TMEM71: variants seen among roughly 807,000 people sequenced by gnomAD.
The protein encoded by TMEM71 is transmembrane protein 71.
In TMEM71, 44 loss-of-function variants were observed where a neutral mutation model predicts 38.0. That is an observed-to-expected ratio of 1.16 (90% CI 0.91 to 1.49). The LOEUF (loss-of-function observed/expected upper bound fraction) is 1.49. TMEM71 is among the 40% of genes most tolerant of loss of function. The pLI is 0.00. For synonymous variants in TMEM71, 133 were observed against 122.5 expected, an observed-to-expected ratio of 1.09 and a Z score of -0.56; for missense variants, 367 against 348.6, an observed-to-expected ratio of 1.05 and a Z score of -0.42.
chr8:132,736,830 C>CAA (rs34959336), intron 5 of TMEM71, among the ~76,000 whole-genome samples: 37 of 147,670 alleles, frequency 2.5e-4, no homozygotes, highest in African/African-American at 8.0e-4. Flanking sequence ...GACTCTGTCT[C>CAA]AAAAAAAAAA....
intron 7 of TMEM71, among the ~76,000 whole-genome samples, chr8:132,715,409 CAA>C (rs975995287): frequency 1.4e-3 from 30 of 21,564 alleles, no homozygotes; most frequent in Admixed American, 6.6e-3. Flanking sequence ...GACTCCGTCT[CAA>C]AAAAAAAAAA....
intron 5 of TMEM71, among the ~76,000 whole-genome samples, chr8:132,732,043 A>G (rs1827487674): frequency 6.6e-6 from 1 of 152,162 alleles, no homozygotes; most frequent in South Asian, 2.1e-4. Flanking sequence ...TATTCATTCA[A>G]TGCAGTTATT....
chr8:132,762,646 T>C (rs1420909282), upstream of TMEM71, among the ~76,000 whole-genome samples: 1 of 152,204 alleles, frequency 6.6e-6, no homozygotes, highest in African/African-American at 2.4e-5. Flanking sequence ...GCTGTATTAT[T>C]ATTCTCATTT....
At chr8:132,734,856 T>G (rs1367132991) in intron 5 of TMEM71, among the ~76,000 whole-genome samples, 1 of 152,240 alleles carries the variant, frequency 6.6e-6, no homozygotes, top group Non-Finnish European at 1.5e-5. Flanking sequence ...CTAAATTTGA[T>G]GTACTTTACC....
chr8:132,772,461 A>G, the TMEM71 span, among the ~76,000 whole-genome samples: 1 of 152,178 alleles, frequency 6.6e-6, no homozygotes, highest in Non-Finnish European at 1.5e-5. Flanking sequence ...GCTTCACTAC[A>G]TGGCCAGGGA....
chr8:132,717,471 C>G (rs1244093229), intron 7 of TMEM71, among the ~76,000 whole-genome samples: 1 of 152,148 alleles, frequency 6.6e-6, no homozygotes, highest in African/African-American at 2.4e-5. Context: ...AAACAAACAT[C>G]CAATAAGTGC....
At chr8:132,768,199 G>A in the TMEM71 span, among the ~76,000 whole-genome samples, 9 of 152,180 alleles carry the variant, frequency 5.9e-5, no homozygotes, top group African/African-American at 2.2e-4. Flanking sequence ...GATTTTGGAT[G>A]CTTTGTCCTG....
chr8:132,755,203 C>T (rs1828936549), intron 3 of TMEM71, among the ~76,000 whole-genome samples: 1 of 152,120 alleles, frequency 6.6e-6, no homozygotes, highest in African/African-American at 2.4e-5. Flanking sequence ...CTCCCTAATC[C>T]CCTGGCATCT....
Position 132,715,006 on chromosome 8 carries a change from G to A in TMEM71, c.753-791C>T, listed in dbSNP as rs187509762. Among the ~76,000 whole-genome samples, 27 of 152,210 alleles carry A rather than the reference G, an allele frequency of 1.8e-4. 1 individual carries two copies. Among genetic ancestry groups the A allele is most frequent in the East Asian group, 5.8e-4 (3 of 5,186 alleles). Reference sequence around the variant, plus strand: ...TTACAGTAATGCAAATTAAAACAGCGAGATATCACTGCATACCTAGTAGAA... The same window carrying A: ...TTACAGTAATGCAAATTAAAACAGCAAGATATCACTGCATACCTAGTAGAA... On this transcript the variant is annotated intron_variant, in intron 7 of 9. Coordinates refer to ENST00000677595, the MANE Select transcript of TMEM71 (RefSeq NM_001382403.1).
At chr8:132,722,609 G>A (rs1297167335) in intron 6 of TMEM71, among the ~76,000 whole-genome samples, 2 of 152,140 alleles carry the variant, frequency 1.3e-5, no homozygotes, top group Non-Finnish European at 2.9e-5. Flanking sequence ...TGATGAACTT[G>A]TCCAAGGTCA....
In TMEM71 at chr8:132,754,476, C is replaced by T. The variant is rs148390076; in HGVS notation, c.102-2479G>A. Among the ~76,000 whole-genome samples the T allele has an allele frequency of 9.4e-3, 1,427 of 152,268 alleles. 82 individuals are homozygous for T. Among genetic ancestry groups the T allele is most frequent in the Admixed American group, 0.084 (1,281 of 15,282 alleles). On this transcript the variant is annotated intron_variant, in intron 3 of 9. Transcript: ENST00000677595. ...GTTTCAATCCTGGCTCTACCTCTTG[C>T]TAATTATTCTCTCCAAGGTTTAGTT... is the stretch of plus-strand genomic sequence containing the variant.
chr8:132,752,610 T>C (rs1247703852), intron 3 of TMEM71, among the ~76,000 whole-genome samples: 1 of 152,102 alleles, frequency 6.6e-6, no homozygotes, highest in Admixed American at 6.6e-5. Context: ...GGCATGTGCC[T>C]ATAGTCCCAG....
chr8:132,715,409 CAAAAAA>C (rs975995287), intron 7 of TMEM71, among the ~76,000 whole-genome samples: 26 of 21,566 alleles, frequency 1.2e-3, no homozygotes, highest in African/African-American at 2.5e-3. Flanking sequence ...GACTCCGTCT[CAAAAAA>C]AAAAAAAAAA....
chr8:132,759,701 C>T lies in TMEM71; in HGVS notation c.-37+775G>A, dbSNP rs373465630. ...GAGTAAATTATTTTCTGATTCACCA[C>T]TTATGGCCACATTTTGTAACATGAG... On this transcript the variant is annotated intron_variant, in intron 1 of 9. Coordinates refer to ENST00000677595, the MANE Select transcript of TMEM71 (RefSeq NM_001382403.1). Among the ~76,000 whole-genome samples, 286 of 152,280 alleles carry T rather than the reference C, an allele frequency of 1.9e-3. 3 individuals are homozygous for T. Among genetic ancestry groups the T allele is most frequent in the African/African-American group, 6.4e-3 (267 of 41,564 alleles).
chr8:132,763,730 G>T (rs1829330667), upstream of TMEM71, among the ~76,000 whole-genome samples: 1 of 152,166 alleles, frequency 6.6e-6, no homozygotes, highest in Non-Finnish European at 1.5e-5. Flanking sequence ...GCTATGTGTT[G>T]CAAACGTTCA....
chr8:132,763,139 CT>C (rs1193810573), upstream of TMEM71, among the ~76,000 whole-genome samples: 7 of 152,172 alleles, frequency 4.6e-5, no homozygotes, highest in Non-Finnish European at 8.8e-5. Context: ...CTTTTCTCCA[CT>C]GCCTTGCTAC....
chr8:132,722,943 A>T (rs763965308), intron 6 of TMEM71, among the ~76,000 whole-genome samples: 4 of 152,316 alleles, frequency 2.6e-5, no homozygotes, highest in Admixed American at 1.3e-4. Flanking sequence ...CACATAAAAA[A>T]CCTAAAGGAG....
upstream of TMEM71, among the ~76,000 whole-genome samples, chr8:132,764,873 G>A (rs2472232): frequency 0.41 from 61,736 of 152,004 alleles, 12,702 homozygotes; most frequent in Non-Finnish European, 0.44. Context: ...TTGCTATTAC[G>A]GTTTCTATCA....
At chr8:132,758,608 TA>T (rs566382499) in intron 2 of TMEM71, 372 of 484,444 alleles carry the variant, frequency 7.7e-4, no homozygotes, top group African/African-American at 1.6e-3. Context: ...CACAGGCATC[TA>T]AAAAAAAACG....
Sources: gnomAD v4.1 joint callset for allele counts (sites outside exome capture counted in the v4.1 genomes callset) on GRCh38, gnomAD v4.1.1 for gene constraint, MANE v1.5 for transcripts, NCBI Gene and HGNC (gene_info 2026-07-23, HGNC 2026-07-21) for gene names.